ZFY: variants seen among roughly 807,000 people sequenced by gnomAD.
The protein encoded by ZFY is zinc finger Y-chromosomal protein.
For synonymous variants in ZFY, 47 were observed against 55.8 expected, an observed-to-expected ratio of 0.84 and a Z score of 0.71; for missense variants, 113 against 170.9, an observed-to-expected ratio of 0.66 and a Z score of 1.89.
chrY:2,939,013 ATATATAT>A (rs2051230301), intron 1 of ZFY, among the ~76,000 whole-genome samples: 1 of 20,079 alleles, frequency 5.0e-5, no homozygotes, highest in African/African-American at 1.8e-4. Context: ...ATATATATAT[ATATATAT>A]ATAAATAAAT....
At chrY:2,956,706 T>C (rs2051294213) in intron 2 of ZFY, among the ~76,000 whole-genome samples, 1 of 9,695 alleles carries the variant, frequency 1.0e-4, no homozygotes, top group Non-Finnish European at 2.0e-4. Flanking sequence ...GCCCCCAAGA[T>C]GGACAGAAAA....
At chrY:2,950,486 T>C in intron 1 of ZFY, among the ~76,000 whole-genome samples, 1 of 33,563 alleles carries the variant, frequency 3.0e-5, no homozygotes, top group African/African-American at 1.2e-4. Context: ...TTTCACCTTA[T>C]CAAAATTGTG....
chrY:2,945,948 A>T, intron 1 of ZFY, among the ~76,000 whole-genome samples: 1 of 33,596 alleles, frequency 3.0e-5, no homozygotes, highest in South Asian at 6.5e-4. Flanking sequence ...AACACTGATG[A>T]TGATTCTTGT....
Position 2,982,026 on chromosome Y carries a change from TAAAC to T in ZFY, c.*2034_*2037del. The stretch of plus-strand genomic sequence containing the variant: ...TAGTTAGCTATTTATCTTTTAAAAA[TAAAC>T]TAAGGTAAAAAACGTGACACTTTAC... On this transcript the variant is annotated 3_prime_UTR_variant, in exon 8 of 8. Coordinates refer to ENST00000155093, the MANE Select transcript of ZFY (RefSeq NM_003411.4). 5.8e-5 allele frequency: 2 copies of T among 34,200 alleles called. No individual in the cohort carries two copies. Among genetic ancestry groups the T allele is most frequent in the Non-Finnish European group, 1.5e-4 (2 of 13,578 alleles). 8.5% of individuals were successfully genotyped at this position (34,200 alleles called of 400,897 possible).
intron 6 of ZFY, 114 bp from the exon 7 acceptor site, chrY:2,977,826 G>A: frequency 2.1e-5 from 1 of 47,626 alleles, no homozygotes; most frequent in Admixed American, 3.1e-4. Flanking sequence ...AATAAATAAA[G>A]TAAGGACTTT....
intron 3 of ZFY, among the ~76,000 whole-genome samples, chrY:2,971,805 G>T: frequency 3.1e-5 from 1 of 32,719 alleles, no homozygotes; most frequent in South Asian, 6.9e-4. Flanking sequence ...GCAGTGGCCT[G>T]AGCCTGTAAT....
chrY:2,961,408 A>C lies in ZFY; in HGVS notation c.396A>C (p.Pro132=). 5.0e-6 allele frequency: 2 copies of C among 399,687 alleles called. No homozygotes were observed. Among genetic ancestry groups the C allele is most frequent in the Non-Finnish European group, 7.0e-6 (2 of 283,833 alleles). ...SDITSTSMSM[P]EHVLTSESMH... The stretch of plus-strand genomic sequence containing the variant: ...TTACTTCAACCTCAATGTCTATGCC[A>C]GAACATGTTTTAACGAGTGAATCCA... The change falls in exon 3 of 8, where the codon CCA becomes CCC. Residue 132 remains proline, a synonymous_variant. Transcript: ENST00000155093.
At chrY:2,936,431 T>G in intron 1 of ZFY, among the ~76,000 whole-genome samples, 1 of 34,286 alleles carries the variant, frequency 2.9e-5, no homozygotes, top group African/African-American at 1.1e-4. Context: ...CTGGAATTTA[T>G]TATGAAAAAG....
At chrY:2,967,253 A>AT (rs2051330949) in intron 3 of ZFY, among the ~76,000 whole-genome samples, 1 of 33,709 alleles carries the variant, frequency 3.0e-5, no homozygotes, top group Non-Finnish European at 7.3e-5. Context: ...AGTATCTAGA[A>AT]TAGGTATGTA....
intron 1 of ZFY, among the ~76,000 whole-genome samples, chrY:2,945,330 GTCCATATCTTTTGT>G (rs2124501378): frequency 3.3e-5 from 1 of 29,853 alleles, no homozygotes; most frequent in South Asian, 7.5e-4. Context: ...GATGCTTTTT[GTCCATATCTTTTGT>G]TCCCTTTTGC....
At chrY:2,945,464 C>A (rs2051259531) in intron 1 of ZFY, among the ~76,000 whole-genome samples, 1 of 30,406 alleles carries the variant, frequency 3.3e-5, no homozygotes, top group Non-Finnish European at 7.9e-5. Flanking sequence ...TAAAGCTGCT[C>A]CCCTCCCCTC....
chrY:2,962,056 A>AT (rs2051313675), intron 3 of ZFY, among the ~76,000 whole-genome samples: 1 of 31,571 alleles, frequency 3.2e-5, no homozygotes, highest in Non-Finnish European at 7.8e-5. Flanking sequence ...TTAAGTAATG[A>AT]TTTTTTGTTG....
intron 1 of ZFY, among the ~76,000 whole-genome samples, chrY:2,951,618 C>T (rs1044166147): frequency 3.0e-5 from 1 of 32,961 alleles, no homozygotes; most frequent in South Asian, 6.8e-4. Context: ...GTTCAGTAAA[C>T]GGTCTGATGG....
intron 1 of ZFY, among the ~76,000 whole-genome samples, chrY:2,939,020 T>TATAA (rs2051231616): frequency 1.1e-4 from 2 of 18,243 alleles, no homozygotes; most frequent in East Asian, 1.5e-3. Context: ...TATATATATA[T>TATAA]ATAAATAAAT....
intron 1 of ZFY, among the ~76,000 whole-genome samples, chrY:2,950,626 T>G: frequency 2.9e-5 from 1 of 33,938 alleles, no homozygotes; most frequent in African/African-American, 1.1e-4. Flanking sequence ...GAACCTCTTG[T>G]GCCTCTGTCA....
chrY:2,969,947 A>G (rs2051342734), intron 3 of ZFY, among the ~76,000 whole-genome samples: 1 of 33,282 alleles, frequency 3.0e-5, no homozygotes. Flanking sequence ...ACTTATATAT[A>G]TGCATTGAGA....
At chrY:2,958,864 A>C (rs775146639) in intron 2 of ZFY, among the ~76,000 whole-genome samples, 1 of 34,135 alleles carries the variant, frequency 2.9e-5, no homozygotes, top group South Asian at 6.4e-4. Flanking sequence ...AATTTTAAAT[A>C]TACCTTCTAA....
chrY:2,938,524 A>C, intron 1 of ZFY, among the ~76,000 whole-genome samples: 1 of 30,862 alleles, frequency 3.2e-5, no homozygotes, highest in African/African-American at 1.3e-4. Context: ...ATTTATAAGG[A>C]AATTGTTAAG....
At chrY:2,941,750 A>G in intron 1 of ZFY, among the ~76,000 whole-genome samples, 3 of 32,128 alleles carry the variant, frequency 9.3e-5, no homozygotes, top group African/African-American at 3.7e-4. Context: ...TGAGCTGTCC[A>G]TCTTGGCCTC....
Sources: allele counts gnomAD v4.1 joint callset (sites outside exome capture counted in the v4.1 genomes callset), GRCh38; gene constraint gnomAD v4.1.1; transcripts MANE v1.5; gene names NCBI Gene and HGNC (gene_info 2026-07-23, HGNC 2026-07-21).